GTF3C1: variants seen among roughly 807,000 people sequenced by gnomAD.
GTF3C1 encodes general transcription factor 3C polypeptide 1.
GTF3C1 carries 57 observed loss-of-function variants against 226.7 expected under a neutral mutation model. The ratio of observed to expected loss-of-function variants is 0.25; its 90% CI spans 0.20 to 0.31. The LOEUF (loss-of-function observed/expected upper bound fraction) is 0.31. Among genes scored for constraint, GTF3C1 ranks in the 10% least tolerant of loss-of-function variants. GTF3C1 has a pLI of 1.00. For synonymous variants in GTF3C1, 1,090 were observed against 1,084.8 expected (o/e 1.00, Z -0.09); for missense variants, 2,217 against 2,776.1 (o/e 0.80, Z 4.53).
Position 27,469,961 on chromosome 16 carries a change from C to G in GTF3C1, c.4814+147G>C. Reference sequence around the variant, plus strand: ...CCTGGGAGGCACCAGCAGAGGACACCTTAGACACCGGCCTATAATCCCCAG... The same window carrying G: ...CCTGGGAGGCACCAGCAGAGGACACGTTAGACACCGGCCTATAATCCCCAG... On this transcript the variant is annotated intron_variant, in intron 31 of 36. Coordinates refer to ENST00000356183, the MANE Select transcript of GTF3C1 (RefSeq NM_001520.4). The surrounding 1 kb of genome is among the most constrained non-coding windows in gnomAD (Gnocchi z 4.5). The G allele has an allele frequency of 1.4e-6, 1 of 716,964 alleles. No individual in the cohort carries two copies. The highest frequency in any genetic ancestry group is 1.7e-5 in the South Asian group (1 of 58,402). The allele number at this position is 716,964 out of a possible 1,614,324, so 44.4% of individuals were successfully genotyped here.
intron 5 of GTF3C1, among the ~76,000 whole-genome samples, chr16:27,532,142 GA>G (rs1175469802): frequency 2.0e-5 from 3 of 152,158 alleles, no homozygotes; most frequent in African/African-American, 7.2e-5. Context: ...GATTTTTATG[GA>G]AAGTCTCAAT....
At position 27,470,172 on chromosome 16, in the gene GTF3C1, C is replaced by T; in HGVS notation, c.4750G>A (p.Val1584Ile). ...LFSLGLISVD[V>I]RIPEQIIVVD... ...ACGATGATCTGCTCCGGGATCCTGA[C>T]ATCCACAGAAATGAGGCCCAGAGAG... Residue 1584 changes from valine to isoleucine, a missense_variant, in exon 31 of 37, where the codon GTC becomes ATC. Around this residue, in one of 12 missense-constraint regions of GTF3C1, gnomAD observed 546 missense variants for 663.0 expected, o/e 0.82. Transcript: ENST00000356183. The surrounding 1 kb of genome is among the most constrained non-coding windows in gnomAD (Gnocchi z 4.9). 2 of 1,613,980 alleles carry T rather than the reference C, an allele frequency of 1.2e-6. No individual in the cohort carries two copies. The highest frequency in any genetic ancestry group is 1.7e-6 in the Non-Finnish European group (2 of 1,179,822).
Position 27,506,131 on chromosome 16 carries a change from A to AG in GTF3C1, c.1553-16dup, listed in dbSNP as rs2088481154. On this transcript the variant is annotated splice_polypyrimidine_tract_variant and intron_variant, in intron 9 of 36. Coordinates refer to ENST00000356183, the MANE Select transcript of GTF3C1 (RefSeq NM_001520.4). ...TTTCCACCCACCTGTGGTGGAGGGA[A>AG]GAGATAGAACAAATCAAGGGGGAGG... 2.0e-6 allele frequency: 3 copies of AG among 1,510,536 alleles called. No homozygotes were observed. Among genetic ancestry groups the AG allele is most frequent in the Non-Finnish European group, 2.8e-6 (3 of 1,086,860 alleles). The allele number at this position is 1,510,536 out of a possible 1,614,324, so 93.6% of individuals were successfully genotyped here. A position where few individuals can be genotyped will look rare whatever the true frequency, so the allele number is the denominator to read the frequency against.
intron 6 of GTF3C1, among the ~76,000 whole-genome samples, chr16:27,516,597 C>T (rs2141419313): frequency 6.6e-6 from 1 of 152,336 alleles, no homozygotes; most frequent in South Asian, 2.1e-4. Context: ...TCACAACATG[C>T]CAATCACAGA....
intron 22 of GTF3C1, 23 bp from the exon 23 acceptor site, chr16:27,488,438 A>G: frequency 6.3e-7 from 1 of 1,595,902 alleles, no homozygotes; most frequent in Non-Finnish European, 8.6e-7. Context: ...ACAGGAGACA[A>G]CAGTTTCAGG....
At chr16:27,524,250 T>TC (rs1357382323) in intron 6 of GTF3C1, among the ~76,000 whole-genome samples, 1 of 152,254 alleles carries the variant, frequency 6.6e-6, no homozygotes, top group Non-Finnish European at 1.5e-5. Context: ...GTTCAATGTT[T>TC]CCTAATTGTA....
At chr16:27,495,157 A>G (rs2088296352) in intron 15 of GTF3C1, 54 bp downstream of exon 15, 1 of 1,332,096 alleles carries the variant, frequency 7.5e-7, no homozygotes, top group Non-Finnish European at 1.1e-6. Flanking sequence ...TTCTCCCTGG[A>G]TCCTACTACT....
At chr16:27,539,110 G>A (rs1217998070) in intron 2 of GTF3C1, among the ~76,000 whole-genome samples, 4 of 149,262 alleles carry the variant, frequency 2.7e-5, no homozygotes, top group Admixed American at 6.8e-5. Context: ...TCAGTGCGCA[G>A]AATGAATTTG....
At chr16:27,475,525 G>A (rs2087938678) in intron 29 of GTF3C1, among the ~76,000 whole-genome samples, 1 of 152,068 alleles carries the variant, frequency 6.6e-6, no homozygotes, top group Admixed American at 6.5e-5. Context: ...CACTGGCAGG[G>A]GACCCTCAGC....
chr16:27,506,790 T>C, intron 9 of GTF3C1, 57 bp downstream of exon 9: 1 of 1,325,390 alleles, frequency 7.5e-7, no homozygotes, highest in Non-Finnish European at 1.0e-6. Context: ...GGGTGTTTCT[T>C]GCAGGTGCCC....
chr16:27,469,430 G>A lies in GTF3C1; in HGVS notation c.4935C>T (p.Tyr1645=). 6 of 1,614,208 alleles carry A rather than the reference G, an allele frequency of 3.7e-6. No individual in the cohort carries two copies. Among genetic ancestry groups the A allele is most frequent in the Non-Finnish European group, 5.1e-6 (6 of 1,180,026 alleles). ...VKPAQASHTN[Y]LLMRGYYSPG... ...GGGAGTAGTAGCCCCTCATCAGCAG[G>A]TAGTTGGTGTGGGAGGCTTGCGCAG... The change falls in exon 32 of 37, where the codon TAC becomes TAT. Residue 1645 remains tyrosine (Y), a synonymous_variant. Coordinates refer to ENST00000356183, the MANE Select transcript of GTF3C1 (RefSeq NM_001520.4). This position sits in a 1 kb window ranked among gnomAD's most constrained non-coding sequence, Gnocchi z 4.5.
intron 7 of GTF3C1, among the ~76,000 whole-genome samples, chr16:27,511,112 G>C (rs1694128207): frequency 6.6e-6 from 1 of 152,218 alleles, no homozygotes; most frequent in Non-Finnish European, 1.5e-5. Context: ...GGGTGTGTCT[G>C]TGATGGTGTT....
At chr16:27,547,777 A>C (rs1156411230) in intron 1 of GTF3C1, among the ~76,000 whole-genome samples, 1 of 151,956 alleles carries the variant, frequency 6.6e-6, no homozygotes, top group Non-Finnish European at 1.5e-5. Context: ...GGCGTCTACC[A>C]CCACGCCCAG....
chr16:27,534,961 G>A (rs2088978660), intron 4 of GTF3C1, among the ~76,000 whole-genome samples: 1 of 151,702 alleles, frequency 6.6e-6, no homozygotes, highest in Non-Finnish European at 1.5e-5. Flanking sequence ...TATAACATTA[G>A]AAATATTAAA....
At chr16:27,521,505 G>A (rs60460358) in intron 6 of GTF3C1, among the ~76,000 whole-genome samples, 1 of 152,270 alleles carries the variant, frequency 6.6e-6, no homozygotes, top group African/African-American at 2.4e-5. Context: ...GCAGGACTGA[G>A]TGGCTGGTCC....
chr16:27,464,709 T>C lies in GTF3C1; in HGVS notation c.5483A>G (p.Gln1828Arg). The C allele has an allele frequency of 6.3e-7, 1 of 1,597,092 alleles. No homozygotes were observed. ...RLKDREDADIQREDPQARPLE... is the reference protein window; with the variant it reads ...RLKDREDADIRREDPQARPLE... ...GGGTCTGGCCTGGGGGTCTTCTCTC[T>C]GGATGTCGGCGTCTTCTCTGTCTTT... Residue 1828 changes from glutamine (Q) to arginine (R), a missense_variant, in exon 34 of 37, where the codon CAG becomes CGG. Transcript: ENST00000356183.
chr16:27,545,582 G>T, intron 1 of GTF3C1, 59 bp from the exon 2 acceptor site: 1 of 1,005,150 alleles, frequency 9.9e-7, no homozygotes, highest in East Asian at 2.4e-5. Flanking sequence ...ATGTGTGCTT[G>T]GCTGTGTTCT....
In GTF3C1 at chr16:27,461,651, G is replaced by A; in HGVS notation, c.6118-89C>T. The A allele has an allele frequency of 2.0e-6, 2 of 981,378 alleles. No homozygotes were observed. The highest frequency in any genetic ancestry group is 1.6e-5 in the African/African-American group (1 of 63,168). 60.8% of individuals were successfully genotyped at this position (981,378 alleles called of 1,614,324 possible). On this transcript the variant is annotated intron_variant, in intron 36 of 36. Transcript: ENST00000356183. The surrounding 1 kb of genome is among the most constrained non-coding windows in gnomAD (Gnocchi z 5.3). Reference sequence around the variant, plus strand: ...CAAGCATTTATGGAATGCCCCCTCTGTACCAGGGAGCCACTTCCCAGAGCA... The same window carrying A: ...CAAGCATTTATGGAATGCCCCCTCTATACCAGGGAGCCACTTCCCAGAGCA...
At chr16:27,510,109 G>A (rs913143943) in intron 7 of GTF3C1, among the ~76,000 whole-genome samples, 1 of 152,150 alleles carries the variant, frequency 6.6e-6, no homozygotes, top group African/African-American at 2.4e-5. Context: ...AATTAGTCCG[G>A]ACGCTGTGGC....
Sources: gnomAD v4.1 joint callset for allele counts (sites outside exome capture counted in the v4.1 genomes callset) on GRCh38, gnomAD v4.1.1 for gene constraint, gnomAD v4.1.1 regional missense constraint, Gnocchi (gnomAD v3.1) non-coding constraint, MANE v1.5 for transcripts, NCBI Gene and HGNC (gene_info 2026-07-23, HGNC 2026-07-21) for gene names.